CERS6: variants seen among roughly 807,000 people sequenced by gnomAD.
The protein encoded by CERS6 is LAG1 homolog, ceramide synthase 6.
A neutral mutation model predicts 56.8 loss-of-function variants in CERS6; 26 were observed. The ratio of observed to expected loss-of-function variants is 0.46; its 90% CI spans 0.34 to 0.63. The LOEUF (loss-of-function observed/expected upper bound fraction) is 0.63, where lower values mean the gene tolerates loss of function less well. Among genes scored for constraint, CERS6 ranks in the 30% least tolerant of loss-of-function variants. The pLI is 0.01. For synonymous variants in CERS6, 164 were observed against 173.3 expected, an observed-to-expected ratio of 0.95 and a Z score of 0.42; for missense variants, 415 against 467.5, an observed-to-expected ratio of 0.89 and a Z score of 1.04.
At chr2:168,744,115 C>T (rs13026930) in intron 8 of CERS6, among the ~76,000 whole-genome samples, 78,117 of 145,922 alleles carry the variant, frequency 0.54, 23,046 homozygotes, top group Admixed American at 0.65. Flanking sequence ...TCGCCATTCT[C>T]CTGCCTCAGC....
At chr2:168,752,494 T>A (rs1427318404) in intron 8 of CERS6, among the ~76,000 whole-genome samples, 2 of 152,178 alleles carry the variant, frequency 1.3e-5, no homozygotes, top group Admixed American at 6.5e-5. Flanking sequence ...GAATATAAGG[T>A]AAGGCTGCAG....
At chr2:168,557,920 A>C (rs934240725) in intron 2 of CERS6, among the ~76,000 whole-genome samples, 2 of 152,204 alleles carry the variant, frequency 1.3e-5, no homozygotes, top group Non-Finnish European at 2.9e-5. Flanking sequence ...TAACATATGA[A>C]GATGCCTTAC....
At chr2:168,490,870 G>A (rs562849697) in intron 1 of CERS6, among the ~76,000 whole-genome samples, 1 of 152,260 alleles carries the variant, frequency 6.6e-6, no homozygotes, top group East Asian at 1.9e-4. Context: ...GACCTTCCCC[G>A]CAGAGTTTGC....
At chr2:168,491,544 G>A (rs1694374531) in intron 1 of CERS6, among the ~76,000 whole-genome samples, 1 of 152,010 alleles carries the variant, frequency 6.6e-6, no homozygotes, top group Non-Finnish European at 1.5e-5. Flanking sequence ...TAAACAATAG[G>A]AAAGTAGACA....
intron 3 of CERS6, among the ~76,000 whole-genome samples, chr2:168,566,355 A>G (rs1225132182): frequency 6.6e-6 from 1 of 152,144 alleles, no homozygotes; most frequent in Non-Finnish European, 1.5e-5. Context: ...TTTAGAATTG[A>G]TACTGATTAA....
intron 4 of CERS6, among the ~76,000 whole-genome samples, chr2:168,684,850 G>A (rs889665373): frequency 6.6e-6 from 1 of 152,172 alleles, no homozygotes; most frequent in Non-Finnish European, 1.5e-5. Context: ...ATGTCCTGTG[G>A]AACTTAGACA....
At chr2:168,519,360 ATTTTC>A (rs923283829) in intron 1 of CERS6, among the ~76,000 whole-genome samples, 18 of 152,128 alleles carry the variant, frequency 1.2e-4, no homozygotes, top group African/African-American at 4.3e-4. Flanking sequence ...TTATGATATA[ATTTTC>A]TTTTAAAAAT....
At chr2:168,759,081 A>G (rs1684494463) in intron 8 of CERS6, among the ~76,000 whole-genome samples, 1 of 152,108 alleles carries the variant, frequency 6.6e-6, no homozygotes, top group South Asian at 2.1e-4. Flanking sequence ...ACTACAGGGC[A>G]TGGCCAAATT....
Position 168,617,270 on chromosome 2 carries a change from A to C in CERS6, c.408-13715A>C, listed in dbSNP as rs372292530. ...AAGGTTCATAGCCCTAAATGCCTAC[A>C]TCAAAAAGTCTGAAAGAGCACACAC... On this transcript the variant is annotated intron_variant, in intron 3 of 9. Coordinates refer to ENST00000305747, the MANE Select transcript of CERS6 (RefSeq NM_203463.3). 8.3e-4 allele frequency among the ~76,000 whole-genome samples: 126 copies of C among 152,288 alleles called. No homozygotes were observed. In the Middle Eastern group the frequency reaches 0.01, roughly 12 times the overall value.
chr2:168,459,228 G>A (rs1170013655), intron 1 of CERS6, among the ~76,000 whole-genome samples: 2 of 152,226 alleles, frequency 1.3e-5, no homozygotes, highest in East Asian at 3.8e-4. Flanking sequence ...TACATTAAGT[G>A]AAGTCAGTAA....
chr2:168,539,914 G>A (rs556026457), intron 1 of CERS6, among the ~76,000 whole-genome samples: 2 of 152,130 alleles, frequency 1.3e-5, no homozygotes, highest in African/African-American at 4.8e-5. Context: ...TTAATTGGTT[G>A]TGATTAATTT....
At chr2:168,695,613 A>G (rs1054491156) in intron 6 of CERS6, among the ~76,000 whole-genome samples, 5 of 152,142 alleles carry the variant, frequency 3.3e-5, no homozygotes, top group Non-Finnish European at 7.4e-5. Context: ...TGGCACTTCT[A>G]GCTCTTTACT....
At chr2:168,496,707 A>G (rs1481334021) in intron 1 of CERS6, among the ~76,000 whole-genome samples, 2 of 152,342 alleles carry the variant, frequency 1.3e-5, no homozygotes, top group South Asian at 2.1e-4. Context: ...GAGTACTTAT[A>G]TTATGTTGCT....
chr2:168,563,796 CA>C (rs1471052811), intron 3 of CERS6, among the ~76,000 whole-genome samples: 1 of 151,510 alleles, frequency 6.6e-6, no homozygotes, highest in Admixed American at 6.6e-5. Flanking sequence ...GACTCCATCT[CA>C]AAAAAAGAAA....
At chr2:168,767,854 C>T (rs561182509) in intron 9 of CERS6, among the ~76,000 whole-genome samples, 1 of 152,114 alleles carries the variant, frequency 6.6e-6, no homozygotes, top group Non-Finnish European at 1.5e-5. Context: ...AGCCCACCCC[C>T]TAGAGAATCA....
intron 8 of CERS6, among the ~76,000 whole-genome samples, chr2:168,738,095 G>T (rs1349940724): frequency 2.0e-5 from 3 of 152,160 alleles, no homozygotes; most frequent in African/African-American, 7.2e-5. Context: ...GGGTATATTT[G>T]AAATTTTCAG....
At chr2:168,701,300 C>T in intron 6 of CERS6, among the ~76,000 whole-genome samples, 1 of 152,146 alleles carries the variant, frequency 6.6e-6, no homozygotes, top group Non-Finnish European at 1.5e-5. Context: ...TTTCCTAGGA[C>T]AATATTTGGA....
At position 168,774,748 on chromosome 2, in the gene CERS6, T is replaced by C. The variant is rs761246357; in HGVS notation, c.*5086T>C. 6.6e-6 allele frequency: 1 copy of C among 152,214 alleles called. No individual in the cohort carries two copies. The highest frequency in any genetic ancestry group is 6.5e-5 in the Admixed American group (1 of 15,284). The allele number at this position is 152,214 out of a possible 1,614,324, so 9.4% of individuals were successfully genotyped here. ...TAAGAATGGAAAACAACCTCTGAGT[T>C]TGATTTCCCAAAGTTTCATAAAGCC... is the stretch of plus-strand genomic sequence containing the variant. On this transcript the variant is annotated 3_prime_UTR_variant, in exon 10 of 10. Transcript: ENST00000305747.
chr2:168,732,030 G>T (rs986793783), intron 8 of CERS6, among the ~76,000 whole-genome samples: 6 of 152,204 alleles, frequency 3.9e-5, no homozygotes, highest in African/African-American at 1.4e-4. Flanking sequence ...GGTTAAAGCT[G>T]CTGTGAAGAG....
Sources: gnomAD v4.1 joint callset for allele counts (sites outside exome capture counted in the v4.1 genomes callset) on GRCh38, gnomAD v4.1.1 for gene constraint, MANE v1.5 for transcripts, NCBI Gene and HGNC (gene_info 2026-07-23, HGNC 2026-07-21) for gene names.